Variants in YY1 observed in about 807,000 individuals in gnomAD.
YY1 encodes YY1 transcription factor.
Under a neutral mutation model 35.6 loss-of-function variants are expected in YY1, and 2 were observed. The observed-to-expected ratio is 0.06, with a 90% CI of 0.02 to 0.18. YY1 has a LOEUF of 0.18. Ranked by LOEUF, YY1 falls within the 10% of genes least tolerant of loss-of-function variation. YY1 has a pLI of 1.00. For missense variants in YY1, 322 were observed against 573.4 expected, an observed-to-expected ratio of 0.56 and a Z score of 4.48; for synonymous variants, 268 against 238.9, an observed-to-expected ratio of 1.12 and a Z score of -1.12.
At chr14:100,264,312 G>C (rs1018526505) in intron 2 of YY1, 1 of 150,442 alleles carries the variant, frequency 6.6e-6, no homozygotes, top group Non-Finnish European at 1.5e-5. Context: ...AAGTAGCTGG[G>C]ATTACAGGTG....
At chr14:100,264,650 G>A (rs562823875) in intron 2 of YY1, among the ~76,000 whole-genome samples, 11 of 152,318 alleles carry the variant, frequency 7.2e-5, no homozygotes, top group Non-Finnish European at 1.3e-4. Context: ...CTGGGGAGAA[G>A]GGGCTGTGTG....
intron 1 of YY1, among the ~76,000 whole-genome samples, chr14:100,245,171 C>T (rs1484203768): frequency 2.0e-5 from 3 of 151,542 alleles, no homozygotes; most frequent in Non-Finnish European, 4.4e-5. Flanking sequence ...CTCCTGACCT[C>T]GTGATCCGCC....
intron 2 of YY1, among the ~76,000 whole-genome samples, chr14:100,272,395 G>A (rs8021068): frequency 0.26 from 39,144 of 151,906 alleles, 5,134 homozygotes; most frequent in Middle Eastern, 0.36. Context: ...GGAGATAAGT[G>A]ATAGTTACCA....
At chr14:100,273,385 T>C (rs1400339729) in intron 2 of YY1, among the ~76,000 whole-genome samples, 1 of 152,212 alleles carries the variant, frequency 6.6e-6, no homozygotes, top group Non-Finnish European at 1.5e-5. Flanking sequence ...CCTTCTGGGC[T>C]CAAGTGATCT....
chr14:100,267,922 G>A (rs894560072), intron 2 of YY1, among the ~76,000 whole-genome samples: 1 of 152,202 alleles, frequency 6.6e-6, no homozygotes, highest in African/African-American at 2.4e-5. Flanking sequence ...GCCCTGTTTT[G>A]TTAGATCTTC....
chr14:100,260,630 G>A (rs939908392), intron 1 of YY1, among the ~76,000 whole-genome samples: 2 of 150,958 alleles, frequency 1.3e-5, no homozygotes, highest in African/African-American at 2.4e-5. Context: ...CCGCCACCAC[G>A]CCTGGCTAAT....
Position 100,278,417 on chromosome 14 carries a change from G to C in YY1, c.*817G>C. ...TGTATTGTACCTTTTAACACCTGAT[G>C]TGTACATCCCATGTAACAGAAAGGG... On this transcript the variant is annotated 3_prime_UTR_variant, in exon 5 of 5. Transcript: ENST00000262238. The C allele has an allele frequency of 6.5e-6, 1 of 152,700 alleles. No homozygotes were observed. The allele number at this position is 152,700 out of a possible 1,614,324, so 9.5% of individuals were successfully genotyped here.
chr14:100,265,140 G>T (rs1213974244), intron 2 of YY1, among the ~76,000 whole-genome samples: 1 of 152,120 alleles, frequency 6.6e-6, no homozygotes, highest in Admixed American at 6.6e-5. Context: ...CACTTTGGGA[G>T]GCTGAGGTGG....
At chr14:100,272,478 C>T (rs1359533814) in intron 2 of YY1, among the ~76,000 whole-genome samples, 1 of 152,086 alleles carries the variant, frequency 6.6e-6, no homozygotes, top group Non-Finnish European at 1.5e-5. Flanking sequence ...GGTTACAGAT[C>T]AGGTCATCCT....
intron 1 of YY1, among the ~76,000 whole-genome samples, chr14:100,258,256 C>T (rs1045129148): frequency 9.7e-4 from 148 of 152,120 alleles, no homozygotes; most frequent in African/African-American, 3.3e-3. Flanking sequence ...GGGATGGGCA[C>T]GTGCAGGGGG....
At chr14:100,251,787 CTT>C (rs1387010106) in intron 1 of YY1, among the ~76,000 whole-genome samples, 1 of 152,092 alleles carries the variant, frequency 6.6e-6, no homozygotes, top group Non-Finnish European at 1.5e-5. Flanking sequence ...CTTTGCTTCT[CTT>C]TCTTCTCTTT....
intron 2 of YY1, among the ~76,000 whole-genome samples, chr14:100,268,180 C>G (rs1030432957): frequency 1.3e-5 from 2 of 152,196 alleles, no homozygotes; most frequent in African/African-American, 4.8e-5. Flanking sequence ...GCTTTTCTGT[C>G]TCCTCTGTGC....
intron 1 of YY1, among the ~76,000 whole-genome samples, chr14:100,245,438 A>G (rs751622471): frequency 2.0e-5 from 3 of 152,090 alleles, no homozygotes; most frequent in Non-Finnish European, 4.4e-5. Context: ...CCCAGCTTCA[A>G]CTATGTTTTG....
intron 1 of YY1, among the ~76,000 whole-genome samples, chr14:100,254,738 C>G (rs571202639): frequency 6.7e-6 from 1 of 149,640 alleles, no homozygotes; most frequent in Non-Finnish European, 1.5e-5. Flanking sequence ...ATTACAGGTG[C>G]GAGCCACCAT....
In YY1 at chr14:100,239,744, C is replaced by T. The variant is rs1172486228; in HGVS notation, c.500C>T (p.Ser167Leu). ...AGCGGCGGCGGCGGCTCGTCGTCGT[C>T]GGGAGGCGGCCGCGTCAAGAAGGGC... The part of the protein sequence containing the change: ...GKSGGGGSSS[S>L]GGGRVKKGGG... Residue 167 changes from serine to leucine, a missense_variant, in exon 1 of 5, where the codon TCG becomes TTG. By Grantham distance (145) the Ser-to-Leu change is moderately radical (BLOSUM62 -2). Transcript: ENST00000262238. The T allele has an allele frequency of 1.9e-6, 3 of 1,585,812 alleles. No homozygotes were observed. Among genetic ancestry groups the T allele is most frequent in the Admixed American group, 1.7e-5 (1 of 58,656 alleles).
rs57547470 is a variant in YY1, at chr14:100,278,133, TA to T, written c.*545del. 5,912 of 148,664 alleles carry T rather than the reference TA, an allele frequency of 0.04. 338 individuals are homozygous for T. The highest frequency in any genetic ancestry group is 0.13 in the African/African-American group (5,098 of 40,446). The allele number at this position is 148,664 out of a possible 1,614,324, so 9.2% of individuals were successfully genotyped here. On this transcript the variant is annotated 3_prime_UTR_variant, in exon 5 of 5. Transcript: ENST00000262238. ...TGCATACTTCAAAAGTATTTTCCTG[TA>T]AAAAAAAAAAAGTTATATAGGTTTT...
intron 2 of YY1, among the ~76,000 whole-genome samples, chr14:100,267,842 A>G (rs938681085): frequency 6.6e-5 from 10 of 152,202 alleles, no homozygotes; most frequent in Non-Finnish European, 1.3e-4. Context: ...TAGCTCTTGA[A>G]GCTCATGTTC....
At chr14:100,247,513 T>C (rs1206130081) in intron 1 of YY1, among the ~76,000 whole-genome samples, 3 of 152,072 alleles carry the variant, frequency 2.0e-5, no homozygotes, top group Admixed American at 1.3e-4. Context: ...CCCCAAGAGC[T>C]GGGACTACAG....
chr14:100,239,947 G>T (rs1890702302), intron 1 of YY1, 24 bp downstream of exon 1: 2 of 1,512,080 alleles, frequency 1.3e-6, no homozygotes, highest in South Asian at 2.5e-5. Context: ...GCGCGCCCCG[G>T]CCCCGGGATG....
Sources: allele counts gnomAD v4.1 joint callset (sites outside exome capture counted in the v4.1 genomes callset), GRCh38; gene constraint gnomAD v4.1.1; transcripts MANE v1.5; gene names NCBI Gene and HGNC (gene_info 2026-07-23, HGNC 2026-07-21).